The following KMT2C variants were observed in gnomAD, a reference collection of about 807,000 sequenced individuals.
KMT2C encodes histone-lysine N-methyltransferase 2C.
A neutral mutation model predicts 507.9 loss-of-function variants in KMT2C; 88 were observed. The ratio of observed to expected loss-of-function variants is 0.17; its 90% CI spans 0.15 to 0.21. The LOEUF (loss-of-function observed/expected upper bound fraction) is 0.21, where lower values mean the gene tolerates loss of function less well. KMT2C is among the 10% of genes least tolerant of loss of function. The probability of loss-of-function intolerance (pLI) is 1.00; values close to 1 mark genes in which losing one functional copy is unlikely to be tolerated. For synonymous variants in KMT2C, 2,049 were observed against 2,080.8 expected (o/e 0.98, Z 0.42); for missense variants, 4,954 against 5,957.8 (o/e 0.83, Z 5.55).
rs577805677 is a variant in KMT2C, at chr7:152,307,107, G to A, written c.849+2859C>T. 5.3e-5 allele frequency among the ~76,000 whole-genome samples: 8 copies of A among 151,742 alleles called. 1 individual carries two copies. The South Asian group carries it at 8.3e-4, about 16-fold the overall frequency. On this transcript the variant is annotated intron_variant, in intron 6 of 58. Coordinates refer to ENST00000262189, the MANE Select transcript of KMT2C (RefSeq NM_170606.3). ...GGGAAGCCAAGGGTGCCAATGAGCC[G>A]TGATCATGCCACTGCTCTCCAGCCT...
At chr7:152,198,275 G>C (rs956932563) in intron 27 of KMT2C, among the ~76,000 whole-genome samples, 5 of 152,158 alleles carry the variant, frequency 3.3e-5, no homozygotes, top group African/African-American at 1.2e-4. Context: ...GTCCAACACG[G>C]GGTAAGATTG....
chr7:152,343,974 G>A (rs1176592227), intron 2 of KMT2C, among the ~76,000 whole-genome samples: 1 of 151,064 alleles, frequency 6.6e-6, no homozygotes, highest in South Asian at 2.1e-4. Context: ...TCTCAGAAGG[G>A]GCAAGTGAAG....
In KMT2C at chr7:152,176,380, T is replaced by C. The variant is rs770929824; in HGVS notation, c.9073A>G (p.Met3025Val). 5 of 1,614,044 alleles carry C rather than the reference T, an allele frequency of 3.1e-6. No homozygotes were observed. Among genetic ancestry groups the C allele is most frequent in the Non-Finnish European group, 4.2e-6 (5 of 1,180,024 alleles). The change falls in exon 38 of 59, where the codon ATG (methionine) becomes GTG (valine). Residue 3025 changes from methionine (M) to valine (V), a missense_variant. Physicochemically the swap from Met to Val is conservative, Grantham distance 21. Transcript: ENST00000262189. ...ATCATTAGCTGTTGGGGTCCAGACATGCTACTGGTACCAGACTGACTTGTT... is the reference window on the plus strand; with the variant it reads ...ATCATTAGCTGTTGGGGTCCAGACACGCTACTGGTACCAGACTGACTTGTT... ...PQTSQSGTSS[M>V]SGPQQLMIPQ...
At chr7:152,145,359 C>A in intron 53 of KMT2C, 64 bp from the exon 54 acceptor site, 1 of 1,537,528 alleles carries the variant, frequency 6.5e-7, no homozygotes, top group South Asian at 1.2e-5. Flanking sequence ...CAATCTCAAG[C>A]TGGTCAAAGG....
chr7:152,419,141 G>A (rs1273564373), intron 1 of KMT2C, among the ~76,000 whole-genome samples: 1 of 152,138 alleles, frequency 6.6e-6, no homozygotes, highest in Non-Finnish European at 1.5e-5. Flanking sequence ...CACAAGGTCA[G>A]GAGTTTGAGA....
At chr7:152,166,585 T>C (rs1257153003) in intron 42 of KMT2C, among the ~76,000 whole-genome samples, 2 of 152,196 alleles carry the variant, frequency 1.3e-5, no homozygotes, top group Non-Finnish European at 2.9e-5. Context: ...TGGTTTATAA[T>C]AGAAGATAAT....
chr7:152,213,532 C>T (rs2094502319), intron 23 of KMT2C, among the ~76,000 whole-genome samples: 1 of 152,012 alleles, frequency 6.6e-6, no homozygotes, highest in Non-Finnish European at 1.5e-5. Flanking sequence ...GAAACTGGAC[C>T]TGATGCCTAT....
At chr7:152,271,516 A>G (rs1478544879) in intron 7 of KMT2C, among the ~76,000 whole-genome samples, 1 of 151,948 alleles carries the variant, frequency 6.6e-6, no homozygotes, top group African/African-American at 2.4e-5. Flanking sequence ...TACTAAAAAT[A>G]CAAAAAATTA....
chr7:152,363,121 CA>C, intron 1 of KMT2C, among the ~76,000 whole-genome samples: 1 of 152,292 alleles, frequency 6.6e-6, no homozygotes, highest in East Asian at 1.9e-4. Context: ...ATTTAAACAG[CA>C]AAATAGATAC....
Position 152,177,326 on chromosome 7 carries a change from G to A in KMT2C, c.8127C>T (p.Val2709=), listed in dbSNP as rs531059054. ...CAAGATCTTCATCATCTAAGTCTTT[G>A]ACTTCAACCCCCTCAAGGTCTTTAA... ...LDVKDLEGVE[V]KDLDDEDLEN... is the part of the protein sequence containing the mutation. Residue 2709 remains valine (V), a synonymous_variant, in exon 38 of 59, where the codon GTC becomes GTT. Transcript: ENST00000262189. 4.3e-6 allele frequency: 7 copies of A among 1,614,070 alleles called. No homozygotes were observed. The Admixed American group carries it at 1.2e-4, about 27-fold the overall frequency.
chr7:152,149,978 A>T (rs143443781), intron 51 of KMT2C, among the ~76,000 whole-genome samples: 21 of 152,368 alleles, frequency 1.4e-4, no homozygotes, highest in African/African-American at 5.0e-4. Context: ...TTTATTTGTC[A>T]TCTAGCCTAG....
At position 152,179,844 on chromosome 7, in the gene KMT2C, G is replaced by A. The variant is rs2129117912; in HGVS notation, c.7432C>T (p.His2478Tyr). 1.2e-6 allele frequency: 2 copies of A among 1,613,176 alleles called. No homozygotes were observed. Among genetic ancestry groups the A allele is most frequent in the East Asian group, 2.2e-5 (1 of 44,862 alleles). Reference protein sequence around the residue: ...PDVASMGMRPHGFRFGFPGGS... With the variant: ...PDVASMGMRPYGFRFGFPGGS... ...AATTAAAAGCATTACCTAAATCCAT[G>A]AGGTCTCATCCCCATACTAGCAACA... Residue 2478 changes from histidine to tyrosine, a missense_variant, in exon 37 of 59, where the codon CAT (histidine) becomes TAT (tyrosine). Transcript: ENST00000262189.
chr7:152,434,272 C>T (rs1051987257), intron 1 of KMT2C, among the ~76,000 whole-genome samples: 2 of 152,204 alleles, frequency 1.3e-5, no homozygotes, highest in Non-Finnish European at 2.9e-5. Flanking sequence ...CCTGTACTTG[C>T]TTCCCTCACG....
intron 36 of KMT2C, 62 bp downstream of exon 36, chr7:152,180,649 T>G: frequency 1.6e-6 from 2 of 1,267,616 alleles, no homozygotes; most frequent in Admixed American, 4.5e-5. Context: ...TTACTCAGTT[T>G]GATGAAATGA....
intron 34 of KMT2C, among the ~76,000 whole-genome samples, chr7:152,183,622 C>T (rs946623039): frequency 1.3e-5 from 2 of 151,966 alleles, no homozygotes; most frequent in Non-Finnish European, 2.9e-5. Context: ...TTAGGCCAGG[C>T]GCAGTGGCTC....
intron 4 of KMT2C, among the ~76,000 whole-genome samples, chr7:152,312,759 T>C (rs1021438424): frequency 6.6e-6 from 1 of 152,212 alleles, no homozygotes; most frequent in Non-Finnish European, 1.5e-5. Flanking sequence ...AAAATGGCTA[T>C]TGTACTTAAT....
At chr7:152,171,679 C>T (rs1387425287) in intron 39 of KMT2C, among the ~76,000 whole-genome samples, 2 of 152,198 alleles carry the variant, frequency 1.3e-5, no homozygotes, top group Non-Finnish European at 2.9e-5. Context: ...TGCCTCACTC[C>T]ACTTTACGAT....
chr7:152,424,737 T>C (rs1310029390), intron 1 of KMT2C, among the ~76,000 whole-genome samples: 1 of 152,176 alleles, frequency 6.6e-6, no homozygotes, highest in African/African-American at 2.4e-5. Flanking sequence ...TTCGCTAATC[T>C]TACTAATCAC....
intron 34 of KMT2C, 46 bp from the exon 35 acceptor site, chr7:152,183,202 T>A: frequency 2.2e-6 from 3 of 1,392,934 alleles, no homozygotes; most frequent in Non-Finnish European, 1.9e-6. Flanking sequence ...ATGTTAAATG[T>A]TTTAAGGAAT....
Sources: allele counts gnomAD v4.1 joint callset (sites outside exome capture counted in the v4.1 genomes callset), GRCh38; gene constraint gnomAD v4.1.1; transcripts MANE v1.5; gene names NCBI Gene and HGNC (gene_info 2026-07-23, HGNC 2026-07-21).